NOL4: variants seen among roughly 807,000 people sequenced by gnomAD.
NOL4 encodes the protein cancer/testis antigen 125.
In NOL4, 17 loss-of-function variants were observed where a neutral mutation model predicts 75.9. The ratio of observed to expected loss-of-function variants is 0.22; its 90% CI spans 0.15 to 0.34. The LOEUF is 0.34. NOL4 is among the 10% of genes least tolerant of loss of function. The pLI, the probability that NOL4 is intolerant of heterozygous loss-of-function variation, is 1.00. For missense variants in NOL4, 614 were observed against 793.5 expected (o/e 0.77, Z 2.72); for synonymous variants, 292 against 289.9 (o/e 1.01, Z -0.07).
intron 1 of NOL4, among the ~76,000 whole-genome samples, chr18:34,138,844 A>G (rs1404640248): frequency 6.6e-6 from 1 of 152,186 alleles, no homozygotes; most frequent in Admixed American, 6.5e-5. Context: ...ATTTTGAGAT[A>G]TGTCCCATCA....
chr18:33,866,281 CT>C (rs561182358), intron 10 of NOL4, among the ~76,000 whole-genome samples: 141 of 152,162 alleles, frequency 9.3e-4, no homozygotes, highest in African/African-American at 3.2e-3. Flanking sequence ...CCTGGACTTG[CT>C]TTTTTTAAAT....
intron 9 of NOL4, among the ~76,000 whole-genome samples, chr18:33,934,445 C>A (rs1212397443): frequency 6.6e-6 from 1 of 152,142 alleles, no homozygotes; most frequent in African/African-American, 2.4e-5. Flanking sequence ...CTAGGTGGCA[C>A]CTTTTCCCAA....
intron 1 of NOL4, among the ~76,000 whole-genome samples, chr18:34,194,374 T>C (rs1483504709): frequency 1.5e-5 from 2 of 134,372 alleles, no homozygotes; most frequent in Non-Finnish European, 3.2e-5. Flanking sequence ...TAAAAGCAAC[T>C]AAGAAAAGAA....
intron 10 of NOL4, among the ~76,000 whole-genome samples, chr18:33,873,313 C>T (rs1242460914): frequency 6.6e-6 from 1 of 151,926 alleles, no homozygotes; most frequent in Non-Finnish European, 1.5e-5. Context: ...GTTCCCTCCC[C>T]ACACATCTGC....
chr18:34,173,456 C>A (rs2033240409), intron 1 of NOL4, among the ~76,000 whole-genome samples: 1 of 152,048 alleles, frequency 6.6e-6, no homozygotes, highest in Admixed American at 6.6e-5. Flanking sequence ...CTTGACTATA[C>A]ACTTGTGCCA....
chr18:33,968,235 G>T (rs1177812023), intron 6 of NOL4, among the ~76,000 whole-genome samples: 1 of 152,166 alleles, frequency 6.6e-6, no homozygotes, highest in Non-Finnish European at 1.5e-5. Flanking sequence ...ATTTCTCAAA[G>T]AGCTTAAAAC....
In NOL4 at chr18:33,971,186, A is replaced by C. The variant is rs78317823; in HGVS notation, c.1057-12768T>G. 8.3e-3 allele frequency among the ~76,000 whole-genome samples: 1,266 copies of C among 152,320 alleles called. 21 individuals carry two copies. The highest frequency in any genetic ancestry group is 0.029 in the African/African-American group (1,219 of 41,576). On this transcript the variant is annotated intron_variant, in intron 6 of 10. Transcript: ENST00000261592. The stretch of plus-strand genomic sequence containing the variant: ...GTTTCCATTTCCCTTATACTTTCAT[A>C]CCAGGAATAATAGCACATGTTCATA...
At chr18:34,013,652 TCTC>T in intron 6 of NOL4, among the ~76,000 whole-genome samples, 1 of 151,924 alleles carries the variant, frequency 6.6e-6, no homozygotes, top group Admixed American at 6.6e-5. Flanking sequence ...TAAGTGGCCA[TCTC>T]CTATTTAACC....
At chr18:34,140,315 A>T (rs1014839734) in intron 1 of NOL4, among the ~76,000 whole-genome samples, 1 of 152,112 alleles carries the variant, frequency 6.6e-6, no homozygotes, top group African/African-American at 2.4e-5. Flanking sequence ...TGGGAGTCTC[A>T]GTCTCTTTGT....
intron 5 of NOL4, among the ~76,000 whole-genome samples, chr18:34,075,854 T>C (rs2077722504): frequency 6.6e-6 from 1 of 152,150 alleles, no homozygotes. Flanking sequence ...GTATGTGAAA[T>C]ATATATATAT....
At chr18:33,947,276 A>C (rs1011195502) in intron 8 of NOL4, among the ~76,000 whole-genome samples, 3 of 151,730 alleles carry the variant, frequency 2.0e-5, no homozygotes, top group Non-Finnish European at 4.4e-5. Context: ...TCATCATTAC[A>C]TTTGACAGTT....
intron 5 of NOL4, among the ~76,000 whole-genome samples, chr18:34,080,246 A>G (rs986724156): frequency 8.5e-5 from 13 of 152,132 alleles, no homozygotes; most frequent in Non-Finnish European, 1.5e-4. Context: ...AGACTCTCTC[A>G]TAAGACTCCT....
At chr18:34,211,270 G>A (rs898580351) in intron 1 of NOL4, among the ~76,000 whole-genome samples, 2 of 152,108 alleles carry the variant, frequency 1.3e-5, no homozygotes, top group Admixed American at 6.5e-5. Context: ...TGATTGTGAT[G>A]GTAGCTTTTA....
intron 5 of NOL4, among the ~76,000 whole-genome samples, chr18:34,086,192 T>C (rs2145455691): frequency 6.6e-6 from 1 of 152,236 alleles, no homozygotes; most frequent in African/African-American, 2.4e-5. Flanking sequence ...TTTTAGGTAT[T>C]TTAAGTCCAG....
At position 33,852,914 on chromosome 18, in the gene NOL4, T is replaced by G; in HGVS notation, c.1845A>C (p.Gly615=). ...EINAVRQLVA[G]YRESAAFLLR... ...ATAAAAATGCAGCTGATTCTCGATA[T>G]CCTGCAACAAGCTGTCTCACGGCAT... The change falls in exon 11 of 11, where the codon GGA becomes GGC. Residue 615 remains glycine (G), a synonymous_variant. Coordinates refer to ENST00000261592, the MANE Select transcript of NOL4 (RefSeq NM_003787.5). 3 of 1,613,216 alleles carry G rather than the reference T, an allele frequency of 1.9e-6. No individual in the cohort carries two copies. Among genetic ancestry groups the G allele is most frequent in the Non-Finnish European group, 2.5e-6 (3 of 1,179,496 alleles).
chr18:33,918,649 C>T (rs372972315), intron 9 of NOL4, among the ~76,000 whole-genome samples: 1 of 152,160 alleles, frequency 6.6e-6, no homozygotes, highest in African/African-American at 2.4e-5. Context: ...ACTAAACTTA[C>T]TTTTCATTCA....
intron 5 of NOL4, among the ~76,000 whole-genome samples, chr18:34,073,401 T>C (rs750382564): frequency 2.0e-5 from 3 of 152,044 alleles, no homozygotes; most frequent in African/African-American, 4.8e-5. Context: ...TCCATAGATG[T>C]TCAATCTCTT....
chr18:33,935,030 T>G (rs1414953538), intron 9 of NOL4, among the ~76,000 whole-genome samples: 1 of 152,016 alleles, frequency 6.6e-6, no homozygotes, highest in Non-Finnish European at 1.5e-5. Flanking sequence ...TGCTAATCTT[T>G]TAAAAAACAT....
chr18:33,942,582 T>C (rs1456029179), intron 9 of NOL4, among the ~76,000 whole-genome samples: 2 of 151,984 alleles, frequency 1.3e-5, no homozygotes, highest in Non-Finnish European at 2.9e-5. Context: ...TTTCATTATG[T>C]ATATCCTCAT....
Sources: gnomAD v4.1 joint callset for allele counts (sites outside exome capture counted in the v4.1 genomes callset) on GRCh38, gnomAD v4.1.1 for gene constraint, MANE v1.5 for transcripts, NCBI Gene and HGNC (gene_info 2026-07-23, HGNC 2026-07-21) for gene names.